Variants in INTS10 observed in about 807,000 individuals in gnomAD.
The protein encoded by INTS10 is integrator complex subunit 10.
A neutral mutation model predicts 94.4 loss-of-function variants in INTS10; 44 were observed. The observed-to-expected ratio is 0.47, with a 90% CI of 0.37 to 0.60. The LOEUF is 0.60. INTS10 is among the 20% of genes least tolerant of loss of function. The pLI is 0.00. For synonymous variants in INTS10, 341 were observed against 320.7 expected, an observed-to-expected ratio of 1.06 and a Z score of -0.68; for missense variants, 797 against 868.7, an observed-to-expected ratio of 0.92 and a Z score of 1.04.
In INTS10 at chr8:19,817,452, CGGCGGCGGT is replaced by C; in HGVS notation, c.-82_-74del. The C allele has an allele frequency of 6.6e-7, 1 of 1,517,414 alleles. No individual in the cohort carries two copies. Among genetic ancestry groups the C allele is most frequent in the South Asian group, 1.2e-5 (1 of 80,578 alleles). The allele number at this position is 1,517,414 out of a possible 1,614,324, so 94.0% of individuals were successfully genotyped here. A position where few individuals can be genotyped will look rare whatever the true frequency, so the allele number is the denominator to read the frequency against. ...GTAGCCTCCCCCGCGGTGGCGGCGG[CGGCGGCGGT>C]GGCTGCCGTGGCGGCTGAGAGTCCA... On this transcript the variant is annotated 5_prime_UTR_variant, in exon 1 of 17. Transcript: ENST00000397977.
intron 11 of INTS10, among the ~76,000 whole-genome samples, chr8:19,832,343 G>A (rs192791219): frequency 5.3e-5 from 8 of 152,244 alleles, no homozygotes; most frequent in Admixed American, 3.3e-4. Context: ...AGGCCGAGGT[G>A]GGAGGATTGC....
Position 19,843,018 on chromosome 8 carries a change from T to C in INTS10, c.1719+91T>C. The C allele has an allele frequency of 1.1e-6, 1 of 924,854 alleles. No individual in the cohort carries two copies. Among genetic ancestry groups the C allele is most frequent in the Non-Finnish European group, 1.8e-6 (1 of 570,970 alleles). 57.3% of individuals were successfully genotyped at this position (924,854 alleles called of 1,614,324 possible). On this transcript the variant is annotated intron_variant, in intron 14 of 16. Transcript: ENST00000397977. The surrounding 1 kb of genome is among the most constrained non-coding windows in gnomAD (Gnocchi z 4.7). ...ACTTGAGAACCTTGCTAAGGATTGT[T>C]ATTTTAGTACTTTTGAGGGCAGGCC...
chr8:19,820,688 A>G (rs544525891), intron 4 of INTS10, among the ~76,000 whole-genome samples, 170 bp downstream of exon 4: 2 of 152,326 alleles, frequency 1.3e-5, no homozygotes, highest in East Asian at 3.9e-4. Context: ...TCTTTTCACC[A>G]TATTTTGTAA....
At position 19,845,701 on chromosome 8, in the gene INTS10, C is replaced by A. The variant is rs919099342; in HGVS notation, c.1883-3C>A. On this transcript the variant is annotated splice_region_variant and splice_polypyrimidine_tract_variant and intron_variant, in intron 15 of 16. Coordinates refer to ENST00000397977, the MANE Select transcript of INTS10 (RefSeq NM_018142.4). ...ATGTGGTTAACCTGAATCTGGCCTG[C>A]AGATATTGATATGCTGGAGGAATTT... 3 of 1,609,562 alleles carry A rather than the reference C, an allele frequency of 1.9e-6. No homozygotes were observed. The highest frequency in any genetic ancestry group is 2.7e-5 in the African/African-American group (2 of 74,788).
chr8:19,820,999 C>T (rs1156329579), intron 4 of INTS10: 1 of 152,498 alleles, frequency 6.6e-6, no homozygotes, highest in African/African-American at 2.4e-5. Flanking sequence ...AATAGTATCC[C>T]ACTTTACAGA....
intron 5 of INTS10, 57 bp from the exon 6 acceptor site, chr8:19,823,244 C>T (rs1292001090): frequency 3.3e-5 from 45 of 1,367,330 alleles, no homozygotes; most frequent in Non-Finnish European, 4.2e-5. Context: ...TTGTATTTAT[C>T]GGAACTCTAG....
At position 19,820,502 on chromosome 8, in the gene INTS10, CGGT is replaced by C; in HGVS notation, c.430_432del (p.Val144del). 1 of 1,612,440 alleles carries C rather than the reference CGGT, an allele frequency of 6.2e-7. No individual in the cohort carries two copies. Among genetic ancestry groups the C allele is most frequent in the South Asian group, 1.1e-5 (1 of 90,974 alleles). ...CTACTTTTGAGGCGCTTCCCTGAAA[CGGT>C]GGTGCAGCATGGGGTGAGATTTGAT... On this transcript the variant is annotated inframe_deletion, in exon 4 of 17. Transcript: ENST00000397977.
At chr8:19,827,167 ATCG>A (rs2066864257) in intron 9 of INTS10, among the ~76,000 whole-genome samples, 1 of 152,154 alleles carries the variant, frequency 6.6e-6, no homozygotes, top group South Asian at 2.1e-4. Context: ...AATGTGAAGA[ATCG>A]TCAGTCCTCT....
intron 13 of INTS10, 49 bp downstream of exon 13, chr8:19,837,209 C>A: frequency 8.3e-7 from 1 of 1,205,880 alleles, no homozygotes; most frequent in Non-Finnish European, 1.2e-6. Context: ...CTTTAGAAAG[C>A]CAGGCACGGT....
At chr8:19,848,928 G>C (rs1056855060) in intron 16 of INTS10, 16 of 218,400 alleles carry the variant, frequency 7.3e-5, no homozygotes, top group Admixed American at 1.5e-4. Flanking sequence ...TGAGCTCTGG[G>C]ACCAGGAACT....
chr8:19,830,425 G>T lies in INTS10; in HGVS notation c.1160G>T (p.Cys387Phe). Reference sequence around the variant, plus strand: ...AAGCAGAGTTCAGACGATGAAGACTGTTCGGCGAAAGGAAGAAATCGTCAC... The same window carrying T: ...AAGCAGAGTTCAGACGATGAAGACTTTTCGGCGAAAGGAAGAAATCGTCAC... The part of the protein sequence containing the change: ...EKTMSSDDED[C>F]SAKGRNRHIV... The change falls in exon 10 of 17, where the codon TGT becomes TTT. Residue 387 changes from cysteine (C) to phenylalanine (F), a missense_variant. By Grantham distance (205) the Cys-to-Phe change is radical. Coordinates refer to ENST00000397977, the MANE Select transcript of INTS10 (RefSeq NM_018142.4). 1 of 1,613,912 alleles carries T rather than the reference G, an allele frequency of 6.2e-7. No individual in the cohort carries two copies.
chr8:19,837,014 G>T (rs369705991), intron 12 of INTS10, 38 bp from the exon 13 acceptor site: 1 of 1,303,488 alleles, frequency 7.7e-7, no homozygotes. Flanking sequence ...AGTTCAGAAA[G>T]CTTCAAGTTA....
In INTS10 at chr8:19,851,228, C is replaced by T. The variant is rs188662380; in HGVS notation, c.1977-421C>T. Reference sequence around the variant, plus strand: ...TTGGGTGATTGGCTCATTCAGGTCTCCTCCCTCCTTGCTGCTGCCTCTGGA... The same window carrying T: ...TTGGGTGATTGGCTCATTCAGGTCTTCTCCCTCCTTGCTGCTGCCTCTGGA... On this transcript the variant is annotated intron_variant, in intron 16 of 16. Transcript: ENST00000397977. This position sits in a 1 kb window ranked among gnomAD's most constrained non-coding sequence, Gnocchi z 5.0. Among the ~76,000 whole-genome samples, 220 of 152,308 alleles carry T rather than the reference C, an allele frequency of 1.4e-3. 2 individuals carry two copies. The highest frequency in any genetic ancestry group is 2.2e-3 in the Non-Finnish European group (149 of 68,032).
chr8:19,831,892 T>C, intron 10 of INTS10, 136 bp from the exon 11 acceptor site: 1 of 644,850 alleles, frequency 1.6e-6, no homozygotes, highest in Non-Finnish European at 2.8e-6. Context: ...TCTAGAGCAG[T>C]GTGTTAGAAA....
rs987436609 is a variant in INTS10 at position 19,817,627 on chromosome 8, C to T, written c.90C>T (p.Ile30=). 3 of 1,607,236 alleles carry T rather than the reference C, an allele frequency of 1.9e-6. No homozygotes were observed. Among genetic ancestry groups the T allele is most frequent in the Admixed American group, 3.4e-5 (2 of 59,370 alleles). Residue 30 remains isoleucine (I), a synonymous_variant, in exon 1 of 17, where the codon ATC becomes ATT. Coordinates refer to ENST00000397977, the MANE Select transcript of INTS10 (RefSeq NM_018142.4). Reference sequence around the variant, plus strand: ...TGTGGGCAGCCAAGGCGTGGCTGATCACGGCCCGCAGCCTCTACCCGGCAG... The same window carrying T: ...TGTGGGCAGCCAAGGCGTGGCTGATTACGGCCCGCAGCCTCTACCCGGCAG... ...QDLWAAKAWL[I]TARSLYPADF... is the part of the protein sequence containing the mutation.
intron 12 of INTS10, among the ~76,000 whole-genome samples, chr8:19,836,371 G>T (rs1176985953): frequency 6.6e-6 from 1 of 152,144 alleles, no homozygotes; most frequent in Non-Finnish European, 1.5e-5. Flanking sequence ...AGACTGTCTG[G>T]ATCAAGGGCA....
chr8:19,843,560 C>T lies in INTS10; in HGVS notation c.1720-516C>T, dbSNP rs2068315965. 6.6e-6 allele frequency among the ~76,000 whole-genome samples: 1 copy of T among 152,222 alleles called. No individual in the cohort carries two copies. Among genetic ancestry groups the T allele is most frequent in the Non-Finnish European group, 1.5e-5 (1 of 68,036 alleles). ...AAACAATTTAAAGTGTGATTTTATG[C>T]ATAACCGCTCATTTGAAACAAAAAC... On this transcript the variant is annotated intron_variant, in intron 14 of 16. Transcript: ENST00000397977. The surrounding 1 kb of genome is among the most constrained non-coding windows in gnomAD (Gnocchi z 4.7).
In INTS10 at chr8:19,823,855, T is replaced by C. The variant is rs1214210343; in HGVS notation, c.665-18T>C. 1 of 1,564,906 alleles carries C rather than the reference T, an allele frequency of 6.4e-7. No homozygotes were observed. The highest frequency in any genetic ancestry group is 1.2e-5 in the South Asian group (1 of 83,534). On this transcript the variant is annotated intron_variant, in intron 6 of 16. Coordinates refer to ENST00000397977, the MANE Select transcript of INTS10 (RefSeq NM_018142.4). ...AGTCATAATGTTAATTGTAGGCTAC[T>C]TTTTTCTTACATCTCAGGCGCCCAG...
Position 19,826,023 on chromosome 8 carries a change from A to G in INTS10, c.1007-403A>G, listed in dbSNP as rs147071056. Among the ~76,000 whole-genome samples, 618 of 152,268 alleles carry G rather than the reference A, an allele frequency of 4.1e-3. 4 individuals carry two copies. The highest frequency in any genetic ancestry group is 0.012 in the African/African-American group (482 of 41,566). ...TATTTTTAATGACGTTTCTCATGACAGTTGAGTAAGCTTCTCCCTTATTTT... is the reference window on the plus strand; with the variant it reads ...TATTTTTAATGACGTTTCTCATGACGGTTGAGTAAGCTTCTCCCTTATTTT... On this transcript the variant is annotated intron_variant, in intron 8 of 16. Transcript: ENST00000397977.
Sources: gnomAD v4.1 joint callset for allele counts (sites outside exome capture counted in the v4.1 genomes callset) on GRCh38, gnomAD v4.1.1 for gene constraint, Gnocchi (gnomAD v3.1) non-coding constraint, MANE v1.5 for transcripts, NCBI Gene and HGNC (gene_info 2026-07-23, HGNC 2026-07-21) for gene names.